NXPE2: variants seen among roughly 807,000 people sequenced by gnomAD.
NXPE2 encodes the protein NXPE family member 2.
A neutral mutation model predicts 34.4 loss-of-function variants in NXPE2; 34 were observed. The observed-to-expected ratio is 0.99, with a 90% CI of 0.75 to 1.31. The LOEUF is 1.31. Ranked by LOEUF, NXPE2 falls within the 40% of genes most tolerant of loss-of-function variation. The pLI is 0.00. For missense variants in NXPE2, 649 were observed against 672.5 expected, an observed-to-expected ratio of 0.97 and a Z score of 0.39; for synonymous variants, 235 against 231.3, an observed-to-expected ratio of 1.02 and a Z score of -0.15.
At chr11:114,586,991 C>G in the NXPE2 span, among the ~76,000 whole-genome samples, 1 of 152,130 alleles carries the variant, frequency 6.6e-6, no homozygotes, top group Non-Finnish European at 1.5e-5. Context: ...TCTCTCTTTA[C>G]CCTTGGTCTG....
At chr11:114,602,758 ATC>A in the NXPE2 span, among the ~76,000 whole-genome samples, 1 of 144,894 alleles carries the variant, frequency 6.9e-6, no homozygotes, top group East Asian at 2.1e-4. Context: ...ATATATAAGT[ATC>A]TCATATATAA....
the NXPE2 span, among the ~76,000 whole-genome samples, chr11:114,614,008 G>A: frequency 1.3e-5 from 2 of 151,832 alleles, no homozygotes; most frequent in East Asian, 3.9e-4. Flanking sequence ...TTACCCAGTG[G>A]AAAATAAGTA....
At chr11:114,497,396 G>A in the NXPE2 span, among the ~76,000 whole-genome samples, 62 of 152,334 alleles carry the variant, frequency 4.1e-4, 1 homozygote, top group Non-Finnish European at 5.9e-5. Flanking sequence ...CACTGACTCA[G>A]TCAGAGCAAC....
chr11:114,578,101 G>C, the NXPE2 span, among the ~76,000 whole-genome samples: 15 of 152,116 alleles, frequency 9.9e-5, no homozygotes, highest in African/African-American at 3.6e-4. Context: ...TAGAACTTTT[G>C]AGGAAAATGT....
the NXPE2 span, among the ~76,000 whole-genome samples, chr11:114,795,537 G>A: frequency 0.11 from 16,272 of 152,090 alleles, 981 homozygotes; most frequent in Middle Eastern, 0.16. Flanking sequence ...ATCTCTCCCC[G>A]TCTGTTTAGT....
the NXPE2 span, among the ~76,000 whole-genome samples, chr11:114,536,497 G>T: frequency 1.8e-4 from 28 of 152,212 alleles, no homozygotes; most frequent in Admixed American, 1.8e-3. Context: ...CCAGGAGCTG[G>T]TTTTTTGAAA....
At chr11:114,513,199 G>T in the NXPE2 span, 2 of 545,134 alleles carry the variant, frequency 3.7e-6, no homozygotes, top group East Asian at 9.4e-5. Context: ...CCTCCAGCAG[G>T]ATGTCCAGCT....
the NXPE2 span, among the ~76,000 whole-genome samples, chr11:114,576,222 A>G: frequency 2.6e-4 from 40 of 152,204 alleles, 1 homozygote; most frequent in Admixed American, 2.1e-3. Flanking sequence ...AAAGACTTAA[A>G]TTTAAGACCT....
At chr11:114,565,503 T>TACTATA in the NXPE2 span, among the ~76,000 whole-genome samples, 1 of 152,250 alleles carries the variant, frequency 6.6e-6, no homozygotes, top group Non-Finnish European at 1.5e-5. Flanking sequence ...ACCTAGAGTT[T>TACTATA]ACTGTGAGTA....
At chr11:114,625,722 G>A in the NXPE2 span, among the ~76,000 whole-genome samples, 5 of 152,278 alleles carry the variant, frequency 3.3e-5, no homozygotes, top group South Asian at 2.1e-4. Flanking sequence ...CAGCATGAGC[G>A]ACGCAGAAGG....
At chr11:114,479,177 A>G in the NXPE2 span, among the ~76,000 whole-genome samples, 3 of 152,190 alleles carry the variant, frequency 2.0e-5, no homozygotes, top group African/African-American at 7.2e-5. Flanking sequence ...TACTTTAACA[A>G]GCTCCTCTTG....
At chr11:114,789,690 C>T in the NXPE2 span, among the ~76,000 whole-genome samples, 2 of 152,316 alleles carry the variant, frequency 1.3e-5, no homozygotes, top group African/African-American at 2.4e-5. Flanking sequence ...ATCTGGGGGG[C>T]TTCAGTGAAC....
the NXPE2 span, among the ~76,000 whole-genome samples, chr11:114,665,967 A>AG: frequency 6.6e-6 from 1 of 152,234 alleles, no homozygotes; most frequent in Non-Finnish European, 1.5e-5. Flanking sequence ...AGACTGAGGT[A>AG]GGGGGCAGGG....
chr11:114,510,668 C>G, the NXPE2 span, among the ~76,000 whole-genome samples: 6 of 152,218 alleles, frequency 3.9e-5, no homozygotes, highest in East Asian at 1.2e-3. Context: ...AACAGGAATA[C>G]ATGAATAAAG....
chr11:114,811,255 C>A, the NXPE2 span, among the ~76,000 whole-genome samples: 2 of 151,270 alleles, frequency 1.3e-5, no homozygotes, highest in Non-Finnish European at 2.9e-5. Context: ...TTAGTGGGTT[C>A]GGCACACCAA....
the NXPE2 span, among the ~76,000 whole-genome samples, chr11:114,541,643 C>T: frequency 6.6e-6 from 1 of 152,058 alleles, no homozygotes; most frequent in Non-Finnish European, 1.5e-5. Context: ...TTGGTTTGTT[C>T]CAGAAAGGCA....
chr11:114,485,387 T>TTC, the NXPE2 span, among the ~76,000 whole-genome samples: 2 of 139,730 alleles, frequency 1.4e-5, no homozygotes, highest in African/African-American at 5.4e-5. Context: ...TTTTGTCTTT[T>TTC]TTTTTTTTTT....
At chr11:114,662,261 C>A in the NXPE2 span, among the ~76,000 whole-genome samples, 206 of 152,138 alleles carry the variant, frequency 1.4e-3, 1 homozygote, top group Non-Finnish European at 2.1e-3. Flanking sequence ...AACTGTGAGG[C>A]CTTGAACTCA....
At chr11:114,465,082 A>C in the NXPE2 span, among the ~76,000 whole-genome samples, 5 of 152,332 alleles carry the variant, frequency 3.3e-5, no homozygotes, top group East Asian at 3.9e-4. Context: ...TACTGGTGAG[A>C]ATGTAAATTG....
Sources: gnomAD v4.1 joint callset for allele counts (sites outside exome capture counted in the v4.1 genomes callset) on GRCh38, gnomAD v4.1.1 for gene constraint, MANE v1.5 for transcripts, NCBI Gene and HGNC (gene_info 2026-07-23, HGNC 2026-07-21) for gene names.